Variants in ANO6 observed in about 807,000 individuals in gnomAD.
ANO6 encodes anoctamin 6.
In ANO6, 106 loss-of-function variants were observed where a neutral mutation model predicts 117.5. That is an observed-to-expected ratio of 0.90 (90% confidence interval 0.77 to 1.06). The LOEUF (loss-of-function observed/expected upper bound fraction) is 1.06. Ranked by LOEUF, ANO6 falls within the 50% of genes least tolerant of loss-of-function variation. ANO6 has a pLI of 0.00. For synonymous variants in ANO6, 367 were observed against 385.1 expected (o/e 0.95, Z 0.55); for missense variants, 955 against 1,121.1 (o/e 0.85, Z 2.12).
intron 1 of ANO6, among the ~76,000 whole-genome samples, chr12:45,240,436 G>T (rs1023726982): frequency 2.5e-5 from 3 of 121,210 alleles, no homozygotes; most frequent in Non-Finnish European, 3.2e-5. Context: ...TTTTGAGCCT[G>T]TGTGTGTCTC....
At chr12:45,276,845 A>G (rs948113227) in intron 1 of ANO6, among the ~76,000 whole-genome samples, 3 of 152,148 alleles carry the variant, frequency 2.0e-5, no homozygotes, top group Non-Finnish European at 1.5e-5. Context: ...TGGGGGAGAA[A>G]TGAAAAGTTT....
chr12:45,301,208 A>T (rs531804852), intron 1 of ANO6, among the ~76,000 whole-genome samples: 272 of 148,038 alleles, frequency 1.8e-3, no homozygotes, highest in Non-Finnish European at 2.0e-3. Context: ...GGTTAAATAA[A>T]TTATGTTATT....
At chr12:45,305,298 A>T (rs1939632578) in intron 2 of ANO6, among the ~76,000 whole-genome samples, 1 of 152,156 alleles carries the variant, frequency 6.6e-6, no homozygotes, top group Non-Finnish European at 1.5e-5. Flanking sequence ...CTGTGGTGGA[A>T]AACTGTCCCA....
At position 45,318,205 on chromosome 12, in the gene ANO6, A is replaced by G. The variant is rs200971150; in HGVS notation, c.151-13090A>G. Among the ~76,000 whole-genome samples the G allele has an allele frequency of 3.5e-3, 529 of 152,242 alleles. 2 individuals carry two copies. The highest frequency in any genetic ancestry group is 4.9e-3 in the Non-Finnish European group (332 of 68,018). The stretch of plus-strand genomic sequence containing the variant: ...AGACATGAAGTCCCTGCCCATGCCT[A>G]TGTCCTGAATGGTATTGCCTAGGTT... On this transcript the variant is annotated intron_variant, in intron 2 of 19. Coordinates refer to ENST00000320560, the MANE Select transcript of ANO6 (RefSeq NM_001025356.3).
chr12:45,380,155 G>A lies in ANO6; in HGVS notation c.1165+2042G>A, dbSNP rs776272597. On this transcript the variant is annotated intron_variant, in intron 10 of 19. Transcript: ENST00000320560. ...AATCAATATAATATAAATCATATAC[G>A]TACCTTAAAAATGTCCATCCTTTCA... Among the ~76,000 whole-genome samples the A allele has an allele frequency of 2.6e-5, 4 of 152,098 alleles. No homozygotes were observed. The South Asian group carries it at 6.2e-4, about 24-fold the overall frequency.
intron 1 of ANO6, among the ~76,000 whole-genome samples, chr12:45,296,070 A>G (rs1939284129): frequency 6.6e-6 from 1 of 152,116 alleles, no homozygotes; most frequent in Non-Finnish European, 1.5e-5. Context: ...TACATTGCCC[A>G]GGCTGGTCTT....
chr12:45,348,460 G>T, intron 5 of ANO6, 58 bp from the exon 6 acceptor site: 2 of 1,536,130 alleles, frequency 1.3e-6, no homozygotes, highest in Non-Finnish European at 9.0e-7. Flanking sequence ...AGTAAACAAT[G>T]ATTGGATTGG....
intron 11 of ANO6, among the ~76,000 whole-genome samples, chr12:45,388,789 C>T (rs1051988873): frequency 2.6e-5 from 4 of 152,046 alleles, no homozygotes; most frequent in African/African-American, 9.7e-5. Context: ...GGCCTTTATC[C>T]TAAAGTTGGA....
chr12:45,366,208 A>G (rs1206036317), intron 8 of ANO6, among the ~76,000 whole-genome samples: 1 of 151,074 alleles, frequency 6.6e-6, no homozygotes, highest in Non-Finnish European at 1.5e-5. Flanking sequence ...AACTTTTACC[A>G]ATTTGTGGCT....
chr12:45,218,377 TTTC>T (rs1319602111), intron 1 of ANO6, among the ~76,000 whole-genome samples: 1 of 150,478 alleles, frequency 6.6e-6, no homozygotes, highest in Non-Finnish European at 1.5e-5. Flanking sequence ...GTGATTTCTG[TTTC>T]TTTCTTTCTC....
At chr12:45,368,797 T>C (rs1007880420) in intron 9 of ANO6, among the ~76,000 whole-genome samples, 1 of 152,212 alleles carries the variant, frequency 6.6e-6, no homozygotes. Flanking sequence ...ACGGAATGTA[T>C]TGCTGTTATA....
chr12:45,391,412 A>T (rs1942446461), intron 12 of ANO6, among the ~76,000 whole-genome samples: 1 of 152,234 alleles, frequency 6.6e-6, no homozygotes. Context: ...CCTGATAGCA[A>T]TAAAAATGTA....
intron 9 of ANO6, 73 bp from the exon 10 acceptor site, chr12:45,377,980 A>G (rs1324589010): frequency 3.5e-6 from 5 of 1,409,648 alleles, no homozygotes; most frequent in South Asian, 1.2e-5. Flanking sequence ...TAGAATAGAC[A>G]AAGCATTTCA....
intron 10 of ANO6, among the ~76,000 whole-genome samples, chr12:45,387,368 G>T (rs1942326838): frequency 6.6e-6 from 1 of 151,994 alleles, no homozygotes; most frequent in African/African-American, 2.4e-5. Flanking sequence ...ATTTATTTGG[G>T]ACATCCTAAA....
intron 3 of ANO6, among the ~76,000 whole-genome samples, chr12:45,338,075 A>G (rs769717221): frequency 2.0e-5 from 3 of 152,120 alleles, no homozygotes; most frequent in African/African-American, 4.8e-5. Context: ...ATTATCAACC[A>G]TAAGTTCTTG....
rs1162585362 is a variant in ANO6, at chr12:45,367,809, G to A, written c.1104+16G>A. The A allele has an allele frequency of 6.3e-7, 1 of 1,585,118 alleles. No homozygotes were observed. The highest frequency in any genetic ancestry group is 1.1e-5 in the South Asian group (1 of 90,512). Reference sequence around the variant, plus strand: ...GTCCTCAAAGGTAATTTTTGCTATTGCCAATATTTACACCTAATGAAAGAT... The same window carrying A: ...GTCCTCAAAGGTAATTTTTGCTATTACCAATATTTACACCTAATGAAAGAT... On this transcript the variant is annotated intron_variant, in intron 9 of 19. Transcript: ENST00000320560.
At chr12:45,379,173 T>C (rs139849717) in intron 10 of ANO6, among the ~76,000 whole-genome samples, 9 of 152,344 alleles carry the variant, frequency 5.9e-5, no homozygotes, top group Non-Finnish European at 8.8e-5. Context: ...AAGTTTCTTA[T>C]TCTTTAAAAG....
chr12:45,300,098 A>G (rs1939431534), intron 1 of ANO6, among the ~76,000 whole-genome samples: 1 of 152,190 alleles, frequency 6.6e-6, no homozygotes, highest in African/African-American at 2.4e-5. Context: ...AAAAGCTTTT[A>G]ATGGATTAAG....
chr12:45,307,884 C>T (rs1194414453), intron 2 of ANO6, among the ~76,000 whole-genome samples: 1 of 151,772 alleles, frequency 6.6e-6, no homozygotes, highest in Non-Finnish European at 1.5e-5. Context: ...GAGAATTGAC[C>T]ATTGTATTTA....
Sources: gnomAD v4.1 joint callset for allele counts (sites outside exome capture counted in the v4.1 genomes callset) on GRCh38, gnomAD v4.1.1 for gene constraint, MANE v1.5 for transcripts, NCBI Gene and HGNC (gene_info 2026-07-23, HGNC 2026-07-21) for gene names.